The following SLC35F1 variants were observed in gnomAD, a reference collection of about 807,000 sequenced individuals.
SLC35F1 encodes the protein solute carrier family 35 member F1.
SLC35F1 carries 14 observed loss-of-function variants against 48.7 expected under a neutral mutation model. The ratio of observed to expected loss-of-function variants is 0.29; its 90% CI spans 0.19 to 0.45. The LOEUF is 0.45. Among genes scored for constraint, SLC35F1 ranks in the 20% least tolerant of loss-of-function variants. The pLI is 1.00. For missense variants in SLC35F1, 404 were observed against 500.0 expected, an observed-to-expected ratio of 0.81 and a Z score of 1.83; for synonymous variants, 190 against 202.2, an observed-to-expected ratio of 0.94 and a Z score of 0.51.
At chr6:117,923,745 A>G (rs1775966819) in intron 1 of SLC35F1, among the ~76,000 whole-genome samples, 1 of 66,528 alleles carries the variant, frequency 1.5e-5, no homozygotes, top group Admixed American at 2.3e-4. Flanking sequence ...ATATACATAT[A>G]TGTACATATA....
chr6:117,926,360 T>C (rs1455398511), intron 1 of SLC35F1, among the ~76,000 whole-genome samples: 1 of 152,204 alleles, frequency 6.6e-6, no homozygotes, highest in Non-Finnish European at 1.5e-5. Flanking sequence ...CCATGGGAAC[T>C]GTTTGTCAAT....
At chr6:118,031,868 G>T (rs1017069991) in intron 1 of SLC35F1, among the ~76,000 whole-genome samples, 7 of 152,154 alleles carry the variant, frequency 4.6e-5, no homozygotes, top group Non-Finnish European at 1.5e-5. Context: ...CCCAGGTGTT[G>T]CCGTGGCAAT....
At chr6:117,952,520 C>T (rs1582582448) in intron 1 of SLC35F1, among the ~76,000 whole-genome samples, 1 of 152,160 alleles carries the variant, frequency 6.6e-6, no homozygotes, top group Non-Finnish European at 1.5e-5. Context: ...CTTGATTAAT[C>T]CCTTCTTGTT....
chr6:118,138,288 C>G (rs1773827573), intron 1 of SLC35F1, among the ~76,000 whole-genome samples: 1 of 148,064 alleles, frequency 6.8e-6, no homozygotes. Context: ...AGCCTTGTAT[C>G]ATAGCAAGAC....
rs1011321197 is a variant in SLC35F1 at position 117,954,198 on chromosome 6, C to A, written c.173+46299C>A. Among the ~76,000 whole-genome samples, 3 of 152,152 alleles carry A rather than the reference C, an allele frequency of 2.0e-5. No homozygotes were observed. In the East Asian group the frequency reaches 5.8e-4, roughly 29 times the overall value. On this transcript the variant is annotated intron_variant, in intron 1 of 7. Coordinates refer to ENST00000360388, the MANE Select transcript of SLC35F1 (RefSeq NM_001029858.4). Reference sequence around the variant, plus strand: ...GCAGTGAGAGAGCCAGTTGAACAACCATCAGTGTAATGAACATGGTGAATA... The same window carrying A: ...GCAGTGAGAGAGCCAGTTGAACAACAATCAGTGTAATGAACATGGTGAATA...
chr6:118,079,202 T>C (rs1772869401), intron 1 of SLC35F1, among the ~76,000 whole-genome samples: 1 of 152,190 alleles, frequency 6.6e-6, no homozygotes, highest in African/African-American at 2.4e-5. Flanking sequence ...ACTCTTCATT[T>C]TCCCTTCCTC....
chr6:117,962,270 A>C (rs1017469455), intron 1 of SLC35F1, among the ~76,000 whole-genome samples: 2 of 149,374 alleles, frequency 1.3e-5, no homozygotes, highest in African/African-American at 4.9e-5. Context: ...GTAGATGAGG[A>C]AGCAGCATAG....
intron 3 of SLC35F1, among the ~76,000 whole-genome samples, chr6:118,263,100 A>G (rs184841113): frequency 6.6e-6 from 1 of 152,310 alleles, no homozygotes; most frequent in East Asian, 1.9e-4. Context: ...TCTGTTGCCC[A>G]GGATGGAGTG....
chr6:118,232,992 A>G (rs1253494024), intron 2 of SLC35F1, among the ~76,000 whole-genome samples: 1 of 151,630 alleles, frequency 6.6e-6, no homozygotes. Context: ...TTTTAGACGA[A>G]GTCTCACTCT....
intron 1 of SLC35F1, among the ~76,000 whole-genome samples, chr6:118,133,033 G>T: frequency 6.6e-6 from 1 of 152,108 alleles, no homozygotes; most frequent in East Asian, 1.9e-4. Flanking sequence ...ATGCTCCCCT[G>T]GATATCGCAT....
At chr6:118,231,357 C>T (rs1775290789) in intron 2 of SLC35F1, among the ~76,000 whole-genome samples, 1 of 152,086 alleles carries the variant, frequency 6.6e-6, no homozygotes, top group Admixed American at 6.5e-5. Flanking sequence ...ACCAGCTGTA[C>T]TGGTGTTTCT....
At chr6:118,275,712 C>A in intron 5 of SLC35F1, 97 bp downstream of exon 5, 3 of 1,122,888 alleles carry the variant, frequency 2.7e-6, no homozygotes, top group South Asian at 1.5e-5. Flanking sequence ...AGGCTGGAAT[C>A]CAGACACCAG....
intron 3 of SLC35F1, among the ~76,000 whole-genome samples, chr6:118,241,439 T>C (rs778375227): frequency 1.3e-5 from 2 of 152,218 alleles, no homozygotes; most frequent in Non-Finnish European, 2.9e-5. Flanking sequence ...TGTGAATCTA[T>C]AATCATTGTA....
chr6:118,162,239 C>T (rs1774247760), intron 2 of SLC35F1, among the ~76,000 whole-genome samples: 1 of 152,146 alleles, frequency 6.6e-6, no homozygotes. Context: ...AAAAGCATTA[C>T]ACTAAGTGCA....
intron 1 of SLC35F1, among the ~76,000 whole-genome samples, chr6:117,938,266 G>A (rs543453331): frequency 1.3e-4 from 20 of 152,114 alleles, no homozygotes; most frequent in Admixed American, 3.9e-4. Flanking sequence ...TAACATATAA[G>A]TAAATATCAC....
chr6:118,147,242 T>G (rs1582693762), intron 1 of SLC35F1, among the ~76,000 whole-genome samples: 1 of 152,314 alleles, frequency 6.6e-6, no homozygotes, highest in East Asian at 1.9e-4. Context: ...GTAATTCCCC[T>G]GCACGTTCCA....
intron 1 of SLC35F1, among the ~76,000 whole-genome samples, chr6:118,123,943 A>G (rs1773588552): frequency 6.6e-6 from 1 of 152,178 alleles, no homozygotes. Context: ...TGGCAAAGTC[A>G]GTAAAATGGT....
intron 3 of SLC35F1, among the ~76,000 whole-genome samples, chr6:118,246,945 C>G (rs1358210650): frequency 6.6e-6 from 1 of 152,174 alleles, no homozygotes; most frequent in Non-Finnish European, 1.5e-5. Flanking sequence ...CTCAAGCTTG[C>G]CTGAGATCCA....
At chr6:117,929,751 A>G (rs1179798863) in intron 1 of SLC35F1, among the ~76,000 whole-genome samples, 1 of 152,144 alleles carries the variant, frequency 6.6e-6, no homozygotes, top group Non-Finnish European at 1.5e-5. Flanking sequence ...CTGATTGTAA[A>G]AGCTAATGAC....
Sources: allele counts gnomAD v4.1 joint callset (sites outside exome capture counted in the v4.1 genomes callset), GRCh38; gene constraint gnomAD v4.1.1; transcripts MANE v1.5; gene names NCBI Gene and HGNC (gene_info 2026-07-23, HGNC 2026-07-21).